Variants in ANKRD12 observed in about 807,000 individuals in gnomAD.
The protein encoded by ANKRD12 is ankyrin repeat domain 12.
A neutral mutation model predicts 183.4 loss-of-function variants in ANKRD12; 85 were observed. The ratio of observed to expected loss-of-function variants is 0.46; its 90% confidence interval spans 0.39 to 0.56. The LOEUF (loss-of-function observed/expected upper bound fraction) is 0.56. ANKRD12 is among the 20% of genes least tolerant of loss of function. ANKRD12 has a pLI of 0.00. For synonymous variants in ANKRD12, 914 were observed against 800.2 expected, an observed-to-expected ratio of 1.14 and a Z score of -2.40; for missense variants, 2,405 against 2,357.1, an observed-to-expected ratio of 1.02 and a Z score of -0.42.
intron 10 of ANKRD12, among the ~76,000 whole-genome samples, chr18:9,270,477 A>C (rs1032128360): frequency 2.0e-5 from 3 of 152,252 alleles, no homozygotes; most frequent in Non-Finnish European, 4.4e-5. Flanking sequence ...GACATGGATG[A>C]AGCTGGAAAC....
intron 1 of ANKRD12, among the ~76,000 whole-genome samples, chr18:9,143,250 T>C (rs2078380954): frequency 6.6e-6 from 1 of 152,196 alleles, no homozygotes; most frequent in Admixed American, 6.5e-5. Flanking sequence ...TCTAACTGGG[T>C]CTTTTTTACT....
chr18:9,208,591 A>T, intron 4 of ANKRD12, 66 bp from the exon 5 acceptor site: 4 of 1,436,970 alleles, frequency 2.8e-6, no homozygotes, highest in Non-Finnish European at 3.7e-6. Flanking sequence ...CAAAAAATTC[A>T]TCTTAAACTT....
chr18:9,182,114 C>T (rs2144178045), intron 1 of ANKRD12, among the ~76,000 whole-genome samples: 1 of 152,254 alleles, frequency 6.6e-6, no homozygotes, highest in Non-Finnish European at 1.5e-5. Context: ...AACGTTTTGT[C>T]ACTGCTTCCA....
At chr18:9,151,822 A>C (rs1485150546) in intron 1 of ANKRD12, among the ~76,000 whole-genome samples, 4 of 152,204 alleles carry the variant, frequency 2.6e-5, no homozygotes, top group Non-Finnish European at 1.5e-5. Flanking sequence ...GGTAAATTTG[A>C]ATATTTTATA....
chr18:9,219,758 GAAA>G (rs879484682), intron 7 of ANKRD12, among the ~76,000 whole-genome samples: 1 of 101,768 alleles, frequency 9.8e-6, no homozygotes. Flanking sequence ...AGAAAGAAAA[GAAA>G]AAAAAAAAAA....
chr18:9,227,470 G>A (rs535948155), intron 8 of ANKRD12, among the ~76,000 whole-genome samples: 4 of 152,288 alleles, frequency 2.6e-5, no homozygotes, highest in South Asian at 4.1e-4. Flanking sequence ...AAATGTTTGA[G>A]CTTGGAATAT....
chr18:9,256,336 T>C lies in ANKRD12; in HGVS notation c.3069T>C (p.Asp1023=), dbSNP rs778651173. 5 of 1,593,058 alleles carry C rather than the reference T, an allele frequency of 3.1e-6. No homozygotes were observed. Among genetic ancestry groups the C allele is most frequent in the Non-Finnish European group, 3.4e-6 (4 of 1,170,144 alleles). ...DGKEKDKKDK[D]IDRYKERDKH... is the part of the protein sequence containing the mutation. Reference sequence around the variant, plus strand: ...AAGAAAAAGATAAAAAAGATAAAGATATAGATAGATACAAAGAACGAGACA... The same window carrying C: ...AAGAAAAAGATAAAAAAGATAAAGACATAGATAGATACAAAGAACGAGACA... The change falls in exon 9 of 13, where the codon GAT becomes GAC. Residue 1023 remains aspartate (D), a synonymous_variant. Coordinates refer to ENST00000262126, the MANE Select transcript of ANKRD12 (RefSeq NM_015208.5).
intron 1 of ANKRD12, among the ~76,000 whole-genome samples, chr18:9,170,601 C>T (rs558362574): frequency 1.3e-5 from 2 of 152,246 alleles, no homozygotes; most frequent in South Asian, 4.1e-4. Context: ...TTCTAGTTAT[C>T]CATTCGTCAA....
chr18:9,265,665 A>G (rs1433396231), intron 10 of ANKRD12, among the ~76,000 whole-genome samples: 4 of 152,118 alleles, frequency 2.6e-5, no homozygotes, highest in Non-Finnish European at 5.9e-5. Flanking sequence ...TAAAACCACA[A>G]AGATGGGAAA....
At chr18:9,229,701 G>A (rs778903626) in intron 8 of ANKRD12, among the ~76,000 whole-genome samples, 53 of 152,104 alleles carry the variant, frequency 3.5e-4, no homozygotes, top group Admixed American at 1.2e-3. Context: ...TTAGTCAAAT[G>A]TGTTTTCTGC....
chr18:9,266,436 G>C (rs1323994625), intron 10 of ANKRD12, among the ~76,000 whole-genome samples: 1 of 152,218 alleles, frequency 6.6e-6, no homozygotes, highest in African/African-American at 2.4e-5. Flanking sequence ...AACTCTACAA[G>C]CCAGAAGAGA....
chr18:9,212,904 C>T (rs1270879187), intron 6 of ANKRD12, among the ~76,000 whole-genome samples: 1 of 151,614 alleles, frequency 6.6e-6, no homozygotes. Flanking sequence ...TTGTTAGATC[C>T]ACTCCTTTGC....
chr18:9,223,064 T>C (rs1379305365), intron 8 of ANKRD12, among the ~76,000 whole-genome samples: 1 of 152,198 alleles, frequency 6.6e-6, no homozygotes, highest in East Asian at 1.9e-4. Context: ...AATTTAATTA[T>C]CTGAAATTTA....
chr18:9,158,363 C>T (rs781086063), intron 1 of ANKRD12, among the ~76,000 whole-genome samples: 24 of 152,124 alleles, frequency 1.6e-4, no homozygotes, highest in Non-Finnish European at 2.2e-4. Context: ...TCCAGGATAC[C>T]GCATTACATT....
rs576540769 is a variant in ANKRD12 at position 9,247,411 on chromosome 18, C to T, written c.944-6800C>T. 2.9e-3 allele frequency among the ~76,000 whole-genome samples: 445 copies of T among 151,980 alleles called. 2 individuals are homozygous for T. The highest frequency in any genetic ancestry group is 0.01 in the African/African-American group (432 of 41,464). On this transcript the variant is annotated intron_variant, in intron 8 of 12. Transcript: ENST00000262126. Reference sequence around the variant, plus strand: ...GGAGGATCGCATGAGCCCAGGAGCTCAAGGTTACAGTGAGCTGCGATCGTG... The same window carrying T: ...GGAGGATCGCATGAGCCCAGGAGCTTAAGGTTACAGTGAGCTGCGATCGTG...
rs958947092 is a variant in ANKRD12 at position 9,280,975 on chromosome 18, C to T, written c.6038C>T (p.Ala2013Val). 6.1e-5 allele frequency: 98 copies of T among 1,613,352 alleles called. No homozygotes were observed. Among genetic ancestry groups the T allele is most frequent in the Non-Finnish European group, 7.5e-5 (88 of 1,179,804 alleles). ...CLLMRQQHEA[A>V]ALNAVQRLEW... ...TTAATGAGGCAACAACATGAAGCTG[C>T]GGCTTTAAATGCTGTCCAGAGGTTA... The change falls in exon 13 of 13, where the codon GCG becomes GTG. Residue 2013 changes from alanine (A) to valine (V), a missense_variant. Ala to Val is a moderately conservative substitution (Grantham distance 64, BLOSUM62 0). Coordinates refer to ENST00000262126, the MANE Select transcript of ANKRD12 (RefSeq NM_015208.5).
chr18:9,239,674 T>C (rs2037546426), intron 8 of ANKRD12: 1 of 355,460 alleles, frequency 2.8e-6, no homozygotes, highest in South Asian at 2.5e-5. Flanking sequence ...CTTCATCCAA[T>C]CTAAATTCAG....
rs1476167097 is a variant in ANKRD12, at chr18:9,258,588, C to T, written c.5321C>T (p.Thr1774Ile). Residue 1774 changes from threonine to isoleucine, a missense_variant, in exon 9 of 13, where the codon ACT becomes ATT. Thr to Ile is a moderately conservative substitution (Grantham distance 89). Transcript: ENST00000262126. The stretch of plus-strand genomic sequence containing the variant: ...TCTCCTAGAGGAAGAATAAGATTAA[C>T]TGAAGATGACGATCCTCAAATTCAC... ...SSSPRGRIRL[T>I]EDDDPQIHHP... 6 of 1,613,850 alleles carry T rather than the reference C, an allele frequency of 3.7e-6. No homozygotes were observed. Among genetic ancestry groups the T allele is most frequent in the Non-Finnish European group, 5.1e-6 (6 of 1,179,916 alleles).
intron 3 of ANKRD12, 88 bp downstream of exon 3, chr18:9,195,786 C>T (rs2034750445): frequency 2.6e-6 from 3 of 1,164,246 alleles, no homozygotes; most frequent in South Asian, 3.4e-5. Context: ...CTTGACACCC[C>T]AGTTTATAGA....
Sources: allele counts gnomAD v4.1 joint callset (sites outside exome capture counted in the v4.1 genomes callset), GRCh38; gene constraint gnomAD v4.1.1; transcripts MANE v1.5; gene names NCBI Gene and HGNC (gene_info 2026-07-23, HGNC 2026-07-21).